GLE1: variants seen among roughly 807,000 people sequenced by gnomAD.
The protein encoded by GLE1 is mRNA export factor GLE1.
GLE1 carries 78 observed loss-of-function variants against 97.3 expected under a neutral mutation model. The observed-to-expected ratio is 0.80, with a 90% CI of 0.67 to 0.97. The LOEUF (loss-of-function observed/expected upper bound fraction) is 0.97. GLE1 is among the 50% of genes least tolerant of loss of function. GLE1 has a pLI of 0.00. For synonymous variants in GLE1, 302 were observed against 313.4 expected, an observed-to-expected ratio of 0.96 and a Z score of 0.39; for missense variants, 753 against 857.5, an observed-to-expected ratio of 0.88 and a Z score of 1.52.
chr9:128,516,305 A>G (rs1400035534), intron 3 of GLE1, among the ~76,000 whole-genome samples: 1 of 150,400 alleles, frequency 6.6e-6, no homozygotes, highest in East Asian at 2.0e-4. Flanking sequence ...TAATTAATTT[A>G]TTTGATTGTA....
intron 1 of GLE1, among the ~76,000 whole-genome samples, chr9:128,505,437 A>G (rs1452960707): frequency 6.6e-6 from 1 of 152,322 alleles, no homozygotes; most frequent in East Asian, 1.9e-4. Context: ...AGTCGCTGCT[A>G]GTTAGCTACA....
Position 128,516,565 on chromosome 9 carries a change from C to T in GLE1, c.432+926C>T, listed in dbSNP as rs573889271. On this transcript the variant is annotated intron_variant, in intron 3 of 15. Transcript: ENST00000309971. ...TGATCTTCTGACCTCGTGATCTGCC[C>T]GCCTCGGCCTCCCAGAGTGCTGGGA... Among the ~76,000 whole-genome samples, 31 of 149,950 alleles carry T rather than the reference C, an allele frequency of 2.1e-4. No homozygotes were observed. In the South Asian group the frequency reaches 5.6e-3, roughly 27 times the overall value.
intron 12 of GLE1, among the ~76,000 whole-genome samples, chr9:128,537,453 C>CAA (rs57584433): frequency 0.019 from 797 of 42,906 alleles, 2 homozygotes; most frequent in Non-Finnish European, 0.02. Flanking sequence ...AACTCTCCCT[C>CAA]AAAAAAAAAA....
intron 2 of GLE1, among the ~76,000 whole-genome samples, chr9:128,511,432 G>C (rs149658404): frequency 0.016 from 2,401 of 151,746 alleles, 26 homozygotes; most frequent in Middle Eastern, 0.034. Flanking sequence ...ACTTGGCCGG[G>C]TGCAGTGGCT....
intron 1 of GLE1, among the ~76,000 whole-genome samples, chr9:128,505,150 C>T (rs556531439): frequency 1.1e-4 from 17 of 152,306 alleles, no homozygotes; most frequent in Non-Finnish European, 1.8e-4. Context: ...TGCTACCCTC[C>T]GCCAGTTGGG....
Position 128,508,963 on chromosome 9 carries a change from A to C in GLE1, c.187A>C (p.Asn63His), listed in dbSNP as rs1846721199. The C allele has an allele frequency of 6.2e-7, 1 of 1,611,648 alleles. No individual in the cohort carries two copies. Among genetic ancestry groups the C allele is most frequent in the Non-Finnish European group, 8.5e-7 (1 of 1,177,830 alleles). Residue 63 changes from asparagine (N) to histidine (H), a missense_variant, in exon 2 of 16, where the codon AAC becomes CAC. Asn to His is a moderately conservative substitution (Grantham distance 68, BLOSUM62 1). Coordinates refer to ENST00000309971, the MANE Select transcript of GLE1 (RefSeq NM_001003722.2). ...VEHVLPHMQENQPLSETSPSS... is the reference protein window; with the variant it reads ...VEHVLPHMQEHQPLSETSPSS... ...GCACGTCCTACCCCATATGCAGGAG[A>C]ACCAACCTCTGTCTGAGACTTCGCC...
At position 128,515,511 on chromosome 9, in the gene GLE1, C is replaced by T; in HGVS notation, c.322-18C>T. The T allele has an allele frequency of 7.5e-7, 1 of 1,339,466 alleles. No individual in the cohort carries two copies. Among genetic ancestry groups the T allele is most frequent in the Non-Finnish European group, 1.1e-6 (1 of 930,696 alleles). 83.0% of individuals were successfully genotyped at this position (1,339,466 alleles called of 1,614,324 possible). ...AAAACTTATTTTTTAATTATTTTTC[C>T]ATTTTCTGCTCATATAGGGCAAAGA... On this transcript the variant is annotated intron_variant, in intron 2 of 15. Coordinates refer to ENST00000309971, the MANE Select transcript of GLE1 (RefSeq NM_001003722.2).
intron 3 of GLE1, among the ~76,000 whole-genome samples, chr9:128,518,285 G>A (rs908976358): frequency 6.6e-6 from 1 of 152,138 alleles, no homozygotes; most frequent in African/African-American, 2.4e-5. Context: ...ACAGGGCCGG[G>A]CCTGTTGGCT....
rs1285546593 is a variant in GLE1, at chr9:128,534,305, GTCGCAGTGAGCCAAGA to G, written c.1646+360_1646+375del. 3.3e-5 allele frequency among the ~76,000 whole-genome samples: 5 copies of G among 152,236 alleles called. No individual in the cohort carries two copies. The East Asian group carries it at 7.7e-4, about 23-fold the overall frequency. On this transcript the variant is annotated intron_variant, in intron 11 of 15. Transcript: ENST00000309971. The stretch of plus-strand genomic sequence containing the variant: ...AATTGCTTGAACCCGGAAGGCGGAG[GTCGCAGTGAGCCAAGA>G]TCGCACCAGTATACTCCAGCCTGGG...
chr9:128,533,672 C>G lies in GLE1; in HGVS notation c.1455+17C>G, dbSNP rs367664115. 8 of 1,613,798 alleles carry G rather than the reference C, an allele frequency of 5.0e-6. No individual in the cohort carries two copies. Among genetic ancestry groups the G allele is most frequent in the Non-Finnish European group, 6.8e-6 (8 of 1,179,762 alleles). On this transcript the variant is annotated intron_variant, in intron 10 of 15. Coordinates refer to ENST00000309971, the MANE Select transcript of GLE1 (RefSeq NM_001003722.2). The stretch of plus-strand genomic sequence containing the variant: ...AAATTTGTGGTGAGAAACCTTGTTG[C>G]TAGAGGTATGGGAAGCAGAGGCTGG...
chr9:128,537,221 G>A (rs1005293845), intron 12 of GLE1, among the ~76,000 whole-genome samples: 1 of 151,972 alleles, frequency 6.6e-6, no homozygotes, highest in Non-Finnish European at 1.5e-5. Flanking sequence ...GGGAGGCTGA[G>A]GTGGGTGGAT....
rs1313194581 is a variant in GLE1 at position 128,508,925 on chromosome 9, G to A, written c.149G>A (p.Gly50Glu). The A allele has an allele frequency of 6.2e-7, 1 of 1,611,744 alleles. No individual in the cohort carries two copies. The highest frequency in any genetic ancestry group is 1.7e-5 in the Admixed American group (1 of 60,000). Residue 50 changes from glycine to glutamate, a missense_variant, in exon 2 of 16, where the codon GGA becomes GAA. Transcript: ENST00000309971. ...MSLPKLSSYS[G>E]WVVEHVLPHM... The stretch of plus-strand genomic sequence containing the variant: ...CTTCCCAAGCTATCTTCTTATTCTG[G>A]ATGGGTGGTAGAGCACGTCCTACCC...
At chr9:128,518,696 C>T (rs942783558) in intron 3 of GLE1, among the ~76,000 whole-genome samples, 21 of 151,786 alleles carry the variant, frequency 1.4e-4, no homozygotes, top group South Asian at 4.2e-4. Flanking sequence ...AGTGAAACCC[C>T]GTCTCTACTA....
chr9:128,521,052 G>A (rs568312316), intron 3 of GLE1, among the ~76,000 whole-genome samples: 10 of 152,180 alleles, frequency 6.6e-5, no homozygotes, highest in African/African-American at 9.6e-5. Context: ...CTCAGCCAGT[G>A]CACCTGGCTA....
rs1846734144 is a variant in GLE1, at chr9:128,509,241, CCATT to C, written c.321+147_321+150del. ...TGTTGTAGAGACAATGTTGACAGCA[CCATT>C]CAGTGTTCTCTTTAGACAGATCCAG... On this transcript the variant is annotated intron_variant, in intron 2 of 15. Coordinates refer to ENST00000309971, the MANE Select transcript of GLE1 (RefSeq NM_001003722.2). 3 of 695,628 alleles carry C rather than the reference CCATT, an allele frequency of 4.3e-6. No individual in the cohort carries two copies. The African/African-American group carries it at 5.2e-5, about 12-fold the overall frequency. 43.1% of individuals were successfully genotyped at this position (695,628 alleles called of 1,614,324 possible). A position where few individuals can be genotyped will look rare whatever the true frequency, so the allele number is the denominator to read the frequency against.
Position 128,541,479 on chromosome 9 carries a change from C to G in GLE1, c.*309C>G, listed in dbSNP as rs1037717289. 3.0e-5 allele frequency: 12 copies of G among 393,836 alleles called. No homozygotes were observed. Among genetic ancestry groups the G allele is most frequent in the Non-Finnish European group, 5.2e-5 (11 of 211,568 alleles). The allele number at this position is 393,836 out of a possible 1,614,324, so 24.4% of individuals were successfully genotyped here. A position where few individuals can be genotyped will look rare whatever the true frequency, so the allele number is the denominator to read the frequency against. ...CTCCTCCCTTGTCTCTAGTGTCTTT[C>G]AGAAAGTTGGCAATACCTTAACAAA... is the stretch of plus-strand genomic sequence containing the variant. On this transcript the variant is annotated 3_prime_UTR_variant, in exon 16 of 16. Coordinates refer to ENST00000309971, the MANE Select transcript of GLE1 (RefSeq NM_001003722.2).
chr9:128,538,091 G>T lies in GLE1; in HGVS notation c.1881+1G>T, dbSNP rs1847775573. The T allele has an allele frequency of 6.5e-7, 1 of 1,531,086 alleles. No individual in the cohort carries two copies. Among genetic ancestry groups the T allele is most frequent in the East Asian group, 2.2e-5 (1 of 44,544 alleles). The allele number at this position is 1,531,086 out of a possible 1,614,324, so 94.8% of individuals were successfully genotyped here. A position where few individuals can be genotyped will look rare whatever the true frequency, so the allele number is the denominator to read the frequency against. On this transcript the variant is annotated splice_donor_variant, in intron 13 of 15. Coordinates refer to ENST00000309971, the MANE Select transcript of GLE1 (RefSeq NM_001003722.2). LOFTEE classifies it high-confidence loss of function. Reference sequence around the variant, plus strand: ...CACCCTCCTCTTTGACTTCCTGGAGGTACGTAACTCAGTTATCACACAAGA... The same window carrying T: ...CACCCTCCTCTTTGACTTCCTGGAGTTACGTAACTCAGTTATCACACAAGA...
chr9:128,522,020 G>T (rs775595883), intron 3 of GLE1, among the ~76,000 whole-genome samples: 14 of 152,162 alleles, frequency 9.2e-5, no homozygotes, highest in Non-Finnish European at 1.9e-4. Flanking sequence ...ATAGGAATGT[G>T]TATAGCTTGT....
At chr9:128,516,614 C>T (rs558347308) in intron 3 of GLE1, among the ~76,000 whole-genome samples, 52 of 151,712 alleles carry the variant, frequency 3.4e-4, no homozygotes, top group Non-Finnish European at 4.9e-4. Flanking sequence ...CCACCGTGCC[C>T]GGCCTGTTTT....
Sources: gnomAD v4.1 joint callset for allele counts (sites outside exome capture counted in the v4.1 genomes callset) on GRCh38, gnomAD v4.1.1 for gene constraint, MANE v1.5 for transcripts, NCBI Gene and HGNC (gene_info 2026-07-23, HGNC 2026-07-21) for gene names.